Variants in CPVL observed in about 807,000 individuals in gnomAD.
The protein encoded by CPVL is probable serine carboxypeptidase CPVL.
Under a neutral mutation model 63.7 loss-of-function variants are expected in CPVL, and 51 were observed. That is an observed-to-expected ratio of 0.80 (90% CI 0.64 to 1.01). The LOEUF (loss-of-function observed/expected upper bound fraction) is 1.01. CPVL is among the 50% of genes least tolerant of loss of function. CPVL has a pLI of 0.00. For synonymous variants in CPVL, 195 were observed against 206.0 expected (o/e 0.95, Z 0.46); for missense variants, 530 against 573.1 (o/e 0.92, Z 0.77).
At position 29,097,540 on chromosome 7, in the gene CPVL, C is replaced by CA. The variant is rs562203032; in HGVS notation, c.289-1324dup. The stretch of plus-strand genomic sequence containing the variant: ...CAAAACCCCATCTCCACTAAAAATA[C>CA]AAAAAATTAGCTGGGCGTGATGGCG... On this transcript the variant is annotated intron_variant, in intron 3 of 12. Transcript: ENST00000265394. Among the ~76,000 whole-genome samples, 471 of 152,136 alleles carry CA rather than the reference C, an allele frequency of 3.1e-3. 2 individuals are homozygous for CA. The highest frequency in any genetic ancestry group is 0.011 in the African/African-American group (439 of 41,528).
chr7:29,084,051 C>G (rs1044712266), intron 7 of CPVL, among the ~76,000 whole-genome samples: 2 of 152,092 alleles, frequency 1.3e-5, no homozygotes, highest in Non-Finnish European at 2.9e-5. Context: ...TCATAAATCA[C>G]TGAATTCCTA....
At chr7:29,026,008 C>A (rs1161828849) in intron 12 of CPVL, among the ~76,000 whole-genome samples, 1 of 152,156 alleles carries the variant, frequency 6.6e-6, no homozygotes, top group East Asian at 1.9e-4. Flanking sequence ...CCAACTGCTA[C>A]ATAATGCATT....
rs139390566 is a variant in CPVL, at chr7:29,175,134, C to T, written c.-11+6156G>A. On this transcript the variant is annotated intron_variant, in intron 5 of 16. Coordinates refer to the CPVL transcript ENST00000409850. ...TGCTTCCCCCATACTGTTCTCATGG[C>T]AGTGAATAAGTCTCATGAGATGTGA... 2.6e-3 allele frequency among the ~76,000 whole-genome samples: 400 copies of T among 151,656 alleles called. 3 individuals carry two copies. The highest frequency in any genetic ancestry group is 9.3e-3 in the African/African-American group (385 of 41,386).
chr7:29,019,390 C>T (rs1423937315), intron 12 of CPVL, among the ~76,000 whole-genome samples: 1 of 152,198 alleles, frequency 6.6e-6, no homozygotes, highest in East Asian at 1.9e-4. Context: ...ACTTGCTCTT[C>T]ATCGGATCTC....
At chr7:29,142,430 C>T (rs1274816014) in intron 1 of CPVL, among the ~76,000 whole-genome samples, 1 of 152,136 alleles carries the variant, frequency 6.6e-6, no homozygotes, top group Admixed American at 6.5e-5. Context: ...TCAGCTGTCA[C>T]CTCCAAAAGG....
rs934711378 is a variant in CPVL at position 28,996,009 on chromosome 7, A to C, written c.1321-127T>G. On this transcript the variant is annotated intron_variant, in intron 12 of 12. Transcript: ENST00000265394. Reference sequence around the variant, plus strand: ...AATACAGAACATATTCTCCCAATGCATGCCTTTGGACAAGCTGCCTATCTG... The same window carrying C: ...AATACAGAACATATTCTCCCAATGCCTGCCTTTGGACAAGCTGCCTATCTG... 15 of 567,888 alleles carry C rather than the reference A, an allele frequency of 2.6e-5. No homozygotes were observed. In the Admixed American group the frequency reaches 4.3e-4, roughly 16 times the overall value. 35.2% of individuals were successfully genotyped at this position (567,888 alleles called of 1,614,324 possible).
At chr7:29,049,226 C>A (rs1201069038) in intron 11 of CPVL, among the ~76,000 whole-genome samples, 1 of 151,716 alleles carries the variant, frequency 6.6e-6, no homozygotes, top group Non-Finnish European at 1.5e-5. Flanking sequence ...ATAAATGAAA[C>A]AAAGAGCTGG....
chr7:29,132,101 T>G (rs907669931), intron 1 of CPVL, among the ~76,000 whole-genome samples: 4 of 152,080 alleles, frequency 2.6e-5, no homozygotes, highest in African/African-American at 9.7e-5. Flanking sequence ...GTGGCACTAT[T>G]TGAGATAGGT....
At chr7:29,040,954 G>A (rs1375945877) in intron 11 of CPVL, among the ~76,000 whole-genome samples, 2 of 151,872 alleles carry the variant, frequency 1.3e-5, no homozygotes, top group African/African-American at 4.8e-5. Context: ...ACACTTAAAC[G>A]ACTTTTAAGA....
At chr7:29,094,755 T>C (rs1049810101) in intron 5 of CPVL, among the ~76,000 whole-genome samples, 1 of 151,086 alleles carries the variant, frequency 6.6e-6, no homozygotes, top group African/African-American at 2.4e-5. Context: ...CCCAGCTACT[T>C]GGGAGGCTGA....
At chr7:29,174,140 G>A (rs245910) in intron 5 of CPVL, among the ~76,000 whole-genome samples, 1 of 151,758 alleles carries the variant, frequency 6.6e-6, no homozygotes, top group Non-Finnish European at 1.5e-5. Context: ...AGACCCCCCC[G>A]TTTGGTGGCA....
intron 3 of CPVL, among the ~76,000 whole-genome samples, chr7:29,100,931 C>A (rs912663730): frequency 6.6e-6 from 1 of 152,144 alleles, no homozygotes; most frequent in African/African-American, 2.4e-5. Context: ...GTGTTCAATG[C>A]CAAAACCCCA....
chr7:29,135,280 A>T (rs1791085261), intron 1 of CPVL, among the ~76,000 whole-genome samples: 1 of 152,176 alleles, frequency 6.6e-6, no homozygotes, highest in African/African-American at 2.4e-5. Context: ...CCAGAGAAGA[A>T]GACAGAAAGA....
At chr7:29,073,309 A>G (rs1304930113) in intron 7 of CPVL, among the ~76,000 whole-genome samples, 2 of 152,206 alleles carry the variant, frequency 1.3e-5, no homozygotes, top group African/African-American at 2.4e-5. Flanking sequence ...AGCTCTACCT[A>G]TTCTAACAAA....
At chr7:29,005,065 T>C (rs1434805097) in intron 12 of CPVL, among the ~76,000 whole-genome samples, 1 of 52,062 alleles carries the variant, frequency 1.9e-5, no homozygotes, top group Non-Finnish European at 8.2e-5. Context: ...TCCAGCTAAT[T>C]TTTTTTGTAT....
At chr7:29,009,534 A>G (rs1028777923) in intron 12 of CPVL, 1 of 152,274 alleles carries the variant, frequency 6.6e-6, no homozygotes, top group Non-Finnish European at 1.5e-5. Context: ...TAACACGTAT[A>G]TGATGAAATA....
intron 1 of CPVL, among the ~76,000 whole-genome samples, chr7:29,139,638 T>C (rs1182590864): frequency 6.6e-6 from 1 of 152,168 alleles, no homozygotes; most frequent in Non-Finnish European, 1.5e-5. Context: ...GCAATTTTTC[T>C]CTGAAACAGA....
chr7:29,050,880 C>T lies in CPVL; in HGVS notation c.1137+13181G>A, dbSNP rs149154173. On this transcript the variant is annotated intron_variant, in intron 11 of 12. Transcript: ENST00000265394. ...TATAAGGCCACAGTCACCAAAACAG[C>T]GTGGTACTGGTATAAAAATAGGCAC... 8.5e-3 allele frequency among the ~76,000 whole-genome samples: 1,283 copies of T among 151,594 alleles called. 6 individuals carry two copies. Among genetic ancestry groups the T allele is most frequent in the Admixed American group, 0.011 (172 of 15,238 alleles).
intron 7 of CPVL, among the ~76,000 whole-genome samples, chr7:29,075,409 C>T (rs1158953320): frequency 1.3e-5 from 2 of 151,742 alleles, no homozygotes; most frequent in Non-Finnish European, 2.9e-5. Context: ...GCATTTCATT[C>T]ACATGCCTGG....
Sources: allele counts gnomAD v4.1 joint callset (sites outside exome capture counted in the v4.1 genomes callset), GRCh38; gene constraint gnomAD v4.1.1; transcripts MANE v1.5; gene names NCBI Gene and HGNC (gene_info 2026-07-23, HGNC 2026-07-21).